KHDRBS2: variants seen among roughly 807,000 people sequenced by gnomAD.
KHDRBS2 encodes the protein KH domain-containing, RNA-binding, signal transduction-associated protein 2.
KHDRBS2 carries 26 observed loss-of-function variants against 44.3 expected under a neutral mutation model. That is an observed-to-expected ratio of 0.59 (90% CI 0.43 to 0.81). KHDRBS2 has a LOEUF of 0.81. Among genes scored for constraint, KHDRBS2 ranks in the 40% least tolerant of loss-of-function variants. The pLI is 0.00. For synonymous variants in KHDRBS2, 194 were observed against 151.1 expected (o/e 1.28, Z -2.08); for missense variants, 476 against 433.1 (o/e 1.10, Z -0.88).
At chr6:62,183,167 T>C (rs908094431) in intron 1 of KHDRBS2, among the ~76,000 whole-genome samples, 2 of 151,788 alleles carry the variant, frequency 1.3e-5, no homozygotes, top group African/African-American at 2.4e-5. Flanking sequence ...AGTTATTTTG[T>C]GGTGATTATA....
intron 6 of KHDRBS2, among the ~76,000 whole-genome samples, chr6:61,773,622 T>C (rs1781392942): frequency 1.3e-5 from 2 of 149,062 alleles, no homozygotes; most frequent in South Asian, 4.3e-4. Flanking sequence ...TAGTTTCTTT[T>C]GCTGTGCAGA....
chr6:61,981,424 A>G (rs1773818294), intron 3 of KHDRBS2, among the ~76,000 whole-genome samples: 1 of 149,422 alleles, frequency 6.7e-6, no homozygotes, highest in Admixed American at 6.8e-5. Flanking sequence ...ATCTTTAATT[A>G]TTTATGAGAA....
intron 3 of KHDRBS2, among the ~76,000 whole-genome samples, chr6:62,021,690 AG>A (rs1405514767): frequency 2.6e-5 from 4 of 151,724 alleles, no homozygotes; most frequent in African/African-American, 7.2e-5. Flanking sequence ...TATTTTGCCC[AG>A]GAAAATCAAA....
chr6:62,085,428 G>A (rs529917929), intron 2 of KHDRBS2, among the ~76,000 whole-genome samples: 87 of 152,092 alleles, frequency 5.7e-4, no homozygotes, highest in African/African-American at 2.0e-3. Flanking sequence ...AGGTAACTGA[G>A]AAGAATAGGA....
chr6:62,020,560 TG>T (rs1252781855), intron 3 of KHDRBS2, among the ~76,000 whole-genome samples: 6 of 140,082 alleles, frequency 4.3e-5, no homozygotes, highest in Non-Finnish European at 6.2e-5. Context: ...GCTATAACTG[TG>T]GATATGTCTA....
At chr6:62,210,711 ATTATT>A (rs1482969718) in intron 1 of KHDRBS2, among the ~76,000 whole-genome samples, 3 of 152,214 alleles carry the variant, frequency 2.0e-5, no homozygotes, top group African/African-American at 7.2e-5. Context: ...CACAGAACAC[ATTATT>A]TTAACAGAGA....
chr6:62,120,242 A>G (rs977149452), intron 2 of KHDRBS2, among the ~76,000 whole-genome samples: 5 of 152,184 alleles, frequency 3.3e-5, no homozygotes, highest in Non-Finnish European at 7.3e-5. Flanking sequence ...GGTTTAATGT[A>G]GAGGAAGAGA....
At chr6:62,109,644 A>G (rs906683883) in intron 2 of KHDRBS2, among the ~76,000 whole-genome samples, 1 of 151,992 alleles carries the variant, frequency 6.6e-6, no homozygotes, top group Non-Finnish European at 1.5e-5. Context: ...ACAATTGAAA[A>G]ATACAATTAA....
chr6:62,252,706 A>T (rs2150175772), intron 1 of KHDRBS2, among the ~76,000 whole-genome samples: 2 of 152,172 alleles, frequency 1.3e-5, no homozygotes, highest in South Asian at 4.1e-4. Context: ...TATTTAAAAG[A>T]ATAGAAAACA....
intron 6 of KHDRBS2, among the ~76,000 whole-genome samples, chr6:61,828,923 C>T (rs1245243722): frequency 6.6e-6 from 1 of 152,172 alleles, no homozygotes; most frequent in Non-Finnish European, 1.5e-5. Flanking sequence ...GTGTTGAAAG[C>T]ATTTCTCTTC....
At position 62,216,203 on chromosome 6, in the gene KHDRBS2, G is replaced by T. The variant is rs546043049; in HGVS notation, c.92-38891C>A. Among the ~76,000 whole-genome samples, 2 of 151,488 alleles carry T rather than the reference G, an allele frequency of 1.3e-5. 1 individual carries two copies. The highest frequency in any genetic ancestry group is 3.0e-5 in the Non-Finnish European group (2 of 67,748). Reference sequence around the variant, plus strand: ...ACATTTAAATTCCCAATAAACCCAAGAAAACTCGCTTTCAAGGATTAGAAT... The same window carrying T: ...ACATTTAAATTCCCAATAAACCCAATAAAACTCGCTTTCAAGGATTAGAAT... On this transcript the variant is annotated intron_variant, in intron 1 of 8. Coordinates refer to ENST00000281156, the MANE Select transcript of KHDRBS2 (RefSeq NM_152688.4).
intron 4 of KHDRBS2, among the ~76,000 whole-genome samples, chr6:61,954,376 TATGC>T (rs142467726): frequency 0.015 from 992 of 67,566 alleles, 2 homozygotes; most frequent in African/African-American, 0.048. Context: ...TATACGTATG[TATGC>T]ATGCATACAT....
At chr6:61,926,167 G>A (rs573456321) in intron 4 of KHDRBS2, among the ~76,000 whole-genome samples, 3 of 152,128 alleles carry the variant, frequency 2.0e-5, no homozygotes, top group Non-Finnish European at 4.4e-5. Context: ...GTAGAATCTG[G>A]GTGACAGAAA....
chr6:62,102,808 C>T (rs913848600), intron 2 of KHDRBS2, among the ~76,000 whole-genome samples: 1 of 152,290 alleles, frequency 6.6e-6, no homozygotes, highest in Middle Eastern at 3.4e-3. Flanking sequence ...CTGCTTGCAG[C>T]TCAGCCACCC....
At chr6:61,773,516 T>G (rs978136039) in intron 6 of KHDRBS2, among the ~76,000 whole-genome samples, 1 of 151,932 alleles carries the variant, frequency 6.6e-6, no homozygotes, top group Non-Finnish European at 1.5e-5. Context: ...AAATTTGTTT[T>G]GAGTTCATTG....
intron 1 of KHDRBS2, among the ~76,000 whole-genome samples, chr6:62,199,594 C>A (rs556055658): frequency 6.6e-6 from 1 of 152,150 alleles, no homozygotes; most frequent in African/African-American, 2.4e-5. Context: ...AGGATATAAA[C>A]AAATGGAAGA....
At chr6:61,652,895 C>A in the KHDRBS2 span, among the ~76,000 whole-genome samples, 1,628 of 152,032 alleles carry the variant, frequency 0.011, 29 homozygotes, top group African/African-American at 0.038. Flanking sequence ...GTGAACATGC[C>A]GTGAGGAGAT....
chr6:62,238,328 T>C (rs1340783393), intron 1 of KHDRBS2, among the ~76,000 whole-genome samples: 3 of 152,176 alleles, frequency 2.0e-5, no homozygotes, highest in Admixed American at 6.5e-5. Context: ...TTGATGACTG[T>C]GTCTTATATG....
intron 1 of KHDRBS2, among the ~76,000 whole-genome samples, chr6:62,193,273 G>A (rs982777729): frequency 2.6e-5 from 4 of 151,834 alleles, no homozygotes; most frequent in African/African-American, 4.8e-5. Context: ...ATCTTATATG[G>A]TCCCTTTGTT....
Sources: allele counts gnomAD v4.1 joint callset (sites outside exome capture counted in the v4.1 genomes callset), GRCh38; gene constraint gnomAD v4.1.1; transcripts MANE v1.5; gene names NCBI Gene and HGNC (gene_info 2026-07-23, HGNC 2026-07-21).